Variants in IL23R observed in about 807,000 individuals in gnomAD.
The protein encoded by IL23R is interleukin-23 receptor.
A neutral mutation model predicts 56.9 loss-of-function variants in IL23R; 34 were observed. That is an observed-to-expected ratio of 0.60 (90% CI 0.45 to 0.80). IL23R has a LOEUF of 0.80. IL23R is among the 30% of genes least tolerant of loss of function. IL23R has a pLI of 0.00. For missense variants in IL23R, 635 were observed against 730.0 expected (o/e 0.87, Z 1.50); for synonymous variants, 230 against 249.2 (o/e 0.92, Z 0.73).
At chr1:67,205,968 G>A in intron 5 of IL23R, among the ~76,000 whole-genome samples, 1 of 78,022 alleles carries the variant, frequency 1.3e-5, no homozygotes, top group Non-Finnish European at 2.7e-5. Context: ...TTTCTTTCTT[G>A]CTCTTTCTGT....
intron 7 of IL23R, among the ~76,000 whole-genome samples, chr1:67,230,630 T>C (rs948514009): frequency 2.6e-5 from 4 of 152,180 alleles, no homozygotes; most frequent in African/African-American, 9.7e-5. Flanking sequence ...AGCCCAGGAA[T>C]ATAAGAAGGA....
chr1:67,170,411 T>G (rs564497008), intron 3 of IL23R, among the ~76,000 whole-genome samples: 3 of 152,302 alleles, frequency 2.0e-5, no homozygotes, highest in Non-Finnish European at 4.4e-5. Flanking sequence ...ACTATTAATT[T>G]TTTTCTTTTT....
intron 4 of IL23R, among the ~76,000 whole-genome samples, chr1:67,196,540 CT>C (rs1648169549): frequency 6.6e-6 from 1 of 152,028 alleles, no homozygotes; most frequent in South Asian, 2.1e-4. Flanking sequence ...GACCCTGTCT[CT>C]AAAAAATAGA....
At chr1:67,212,622 T>G (rs1212573919) in intron 6 of IL23R, among the ~76,000 whole-genome samples, 1 of 151,390 alleles carries the variant, frequency 6.6e-6, no homozygotes, top group Non-Finnish European at 1.5e-5. Context: ...CTCAGCTCAC[T>G]GCAGCCTTGA....
chr1:67,258,911 G>T lies in IL23R; in HGVS notation c.1673G>T (p.Cys558Phe), dbSNP rs1222525055. The T allele has an allele frequency of 6.2e-7, 1 of 1,613,126 alleles. No homozygotes were observed. The highest frequency in any genetic ancestry group is 1.7e-5 in the Admixed American group (1 of 59,962). ...ELSLILNQGE[C>F]SSPDIQNSVE... is the part of the protein sequence containing the mutation. ...AGCCTCATATTAAATCAAGGAGAAT[G>T]CAGTTCTCCTGACATACAAAACTCA... The change falls in exon 11 of 11, where the codon TGC becomes TTC. Residue 558 changes from cysteine (C) to phenylalanine (F), a missense_variant. Cys to Phe is a radical substitution (Grantham distance 205, BLOSUM62 -2). Transcript: ENST00000347310.
At chr1:67,164,019 T>G (rs989753436), upstream of IL23R, among the ~76,000 whole-genome samples, 1 of 152,018 alleles carries the variant, frequency 6.6e-6, no homozygotes, top group Non-Finnish European at 1.5e-5. Flanking sequence ...TAAGTGGGAC[T>G]ATATCAAACT....
At chr1:67,216,774 C>T (rs1570867375) in intron 6 of IL23R, among the ~76,000 whole-genome samples, 2 of 152,276 alleles carry the variant, frequency 1.3e-5, no homozygotes, top group East Asian at 3.9e-4. Flanking sequence ...CTTGAAAGGG[C>T]TGATAGAACA....
intron 7 of IL23R, among the ~76,000 whole-genome samples, chr1:67,233,243 G>A (rs899038400): frequency 6.9e-6 from 1 of 145,258 alleles, no homozygotes; most frequent in African/African-American, 2.5e-5. Context: ...GCATGCTCCT[G>A]TAATCCCAGC....
At chr1:67,236,181 G>C (rs940133889) in intron 7 of IL23R, among the ~76,000 whole-genome samples, 6 of 152,204 alleles carry the variant, frequency 3.9e-5, no homozygotes, top group Non-Finnish European at 7.3e-5. Flanking sequence ...GCAGAGAGAA[G>C]TCATTGGTGA....
intron 3 of IL23R, among the ~76,000 whole-genome samples, chr1:67,173,905 A>C (rs1437359113): frequency 6.6e-6 from 1 of 152,088 alleles, no homozygotes; most frequent in Non-Finnish European, 1.5e-5. Flanking sequence ...CACTAATTGA[A>C]CCATTTTGCA....
chr1:67,196,194 G>A (rs1219514451), intron 4 of IL23R: 3 of 152,304 alleles, frequency 2.0e-5, no homozygotes, highest in African/African-American at 7.2e-5. Context: ...AAGATGGCAT[G>A]ACCCCTGATC....
At chr1:67,162,143 T>TA (rs905318988), upstream of IL23R, among the ~76,000 whole-genome samples, 33 of 144,162 alleles carry the variant, frequency 2.3e-4, no homozygotes, top group South Asian at 4.5e-4. Flanking sequence ...ATCCAATGTT[T>TA]AAAAAAAAAA....
chr1:67,252,112 G>T (rs982675193), intron 9 of IL23R, among the ~76,000 whole-genome samples: 1 of 151,554 alleles, frequency 6.6e-6, no homozygotes, highest in African/African-American at 2.4e-5. Flanking sequence ...GTAAGACTTT[G>T]CTGCCTCCCA....
rs751326080 is a variant in IL23R at position 67,258,816 on chromosome 1, G to T, written c.1578G>T (p.Lys526Asn). ...CAGGAAATAATCCCAGGTTACAAAA[G>T]CATCCTAATTTTGCTTTTTCTGTTT... is the stretch of plus-strand genomic sequence containing the variant. Reference protein sequence around the residue: ...LDSGNNPRLQKHPNFAFSVSS... With the variant: ...LDSGNNPRLQNHPNFAFSVSS... The change falls in exon 11 of 11, where the codon AAG becomes AAT. Residue 526 changes from lysine to asparagine, a missense_variant. Coordinates refer to ENST00000347310, the MANE Select transcript of IL23R (RefSeq NM_144701.3). 2 of 1,612,030 alleles carry T rather than the reference G, an allele frequency of 1.2e-6. No individual in the cohort carries two copies. Among genetic ancestry groups the T allele is most frequent in the South Asian group, 1.1e-5 (1 of 90,974 alleles).
chr1:67,197,868 C>T (rs544371515), intron 4 of IL23R, among the ~76,000 whole-genome samples: 1 of 151,716 alleles, frequency 6.6e-6, no homozygotes, highest in Admixed American at 6.6e-5. Flanking sequence ...CCTGGGAGGT[C>T]AAGACTGCAG....
chr1:67,194,478 T>C (rs1166212528), intron 4 of IL23R, among the ~76,000 whole-genome samples: 1 of 152,234 alleles, frequency 6.6e-6, no homozygotes, highest in African/African-American at 2.4e-5. Context: ...TTTCTTATTA[T>C]GTCACAATAT....
chr1:67,152,293 G>A (rs1224576514), intron 1 of IL23R, among the ~76,000 whole-genome samples: 4 of 152,118 alleles, frequency 2.6e-5, no homozygotes, highest in Non-Finnish European at 5.9e-5. Context: ...GAATGCTTGT[G>A]ATTTTGATTG....
upstream of IL23R, among the ~76,000 whole-genome samples, chr1:67,162,684 A>C (rs1646833205): frequency 6.6e-6 from 1 of 152,194 alleles, no homozygotes; most frequent in Non-Finnish European, 1.5e-5. Flanking sequence ...TGGATGTTTA[A>C]AATACCTTGA....
At chr1:67,254,684 T>C (rs1234922496) in intron 9 of IL23R, among the ~76,000 whole-genome samples, 1 of 152,184 alleles carries the variant, frequency 6.6e-6, no homozygotes, top group Admixed American at 6.5e-5. Flanking sequence ...TGAGAACCAA[T>C]TTAAACAAAT....
Sources: allele counts gnomAD v4.1 joint callset (sites outside exome capture counted in the v4.1 genomes callset), GRCh38; gene constraint gnomAD v4.1.1; transcripts MANE v1.5; gene names NCBI Gene and HGNC (gene_info 2026-07-23, HGNC 2026-07-21).